Variants in LPP observed in about 807,000 individuals in gnomAD.
LPP encodes LIM domain containing preferred translocation partner in lipoma, also known as lipoma-preferred partner.
Under a neutral mutation model 60.4 loss-of-function variants are expected in LPP, and 38 were observed. That is an observed-to-expected ratio of 0.63 (90% CI 0.49 to 0.83). The LOEUF is 0.83. Ranked by LOEUF, LPP falls within the 40% of genes least tolerant of loss-of-function variation. LPP has a pLI of 0.00. For synonymous variants in LPP, 328 were observed against 290.8 expected (o/e 1.13, Z -1.30); for missense variants, 902 against 783.6 (o/e 1.15, Z -1.80).
At chr3:188,371,209 T>C (rs1772966832) in intron 3 of LPP, among the ~76,000 whole-genome samples, 1 of 152,150 alleles carries the variant, frequency 6.6e-6, no homozygotes. Flanking sequence ...CATTAACCTA[T>C]CATGAATAGC....
chr3:188,851,392 T>G (rs1762644343), intron 9 of LPP, among the ~76,000 whole-genome samples: 1 of 152,232 alleles, frequency 6.6e-6, no homozygotes, highest in Non-Finnish European at 1.5e-5. Flanking sequence ...GAAAAGGAAT[T>G]TTATGCAAAT....
At chr3:188,689,468 A>C (rs1292814937) in intron 7 of LPP, among the ~76,000 whole-genome samples, 1 of 152,236 alleles carries the variant, frequency 6.6e-6, no homozygotes, top group Non-Finnish European at 1.5e-5. Flanking sequence ...TCCTTCTCAC[A>C]GTGGCTTAGA....
intron 7 of LPP, among the ~76,000 whole-genome samples, chr3:188,687,775 C>CTTTTTTTTTTTTTTTTTTTTTTTTT (rs61574227): frequency 1.6e-5 from 2 of 127,124 alleles, no homozygotes; most frequent in Admixed American, 8.4e-5. Context: ...GTCTTATACT[C>CTTTTTTTTTTTTTTTTTTTTTTTTT]TTTTTTTTTT....
chr3:188,206,208 T>A (rs1049234012), intron 1 of LPP, among the ~76,000 whole-genome samples: 19 of 152,136 alleles, frequency 1.2e-4, no homozygotes, highest in Admixed American at 4.6e-4. Context: ...AAAGGTTTAA[T>A]CTGTCCAGAT....
chr3:188,408,757 T>G lies in LPP; in HGVS notation c.193+2444T>G, dbSNP rs182360601. ...TTCTTATGTAACCCTACAAAATGTT[T>G]TTTTTTTTTTCTTATAAAGAAATGG... is the stretch of plus-strand genomic sequence containing the variant. On this transcript the variant is annotated intron_variant, in intron 4 of 11. Transcript: ENST00000617246. 7.9e-5 allele frequency among the ~76,000 whole-genome samples: 12 copies of G among 152,068 alleles called. No individual in the cohort carries two copies. In the East Asian group the frequency reaches 1.2e-3, roughly 15 times the overall value.
chr3:188,806,061 G>A (rs938756870), intron 9 of LPP, among the ~76,000 whole-genome samples: 8 of 151,818 alleles, frequency 5.3e-5, no homozygotes, highest in Non-Finnish European at 1.2e-4. Context: ...ATTATTAGGT[G>A]AAGTGTTCTA....
intron 9 of LPP, among the ~76,000 whole-genome samples, chr3:188,787,586 G>A (rs557730088): frequency 4.3e-4 from 66 of 152,206 alleles, no homozygotes; most frequent in African/African-American, 1.5e-3. Context: ...AGACTCTTCA[G>A]TCCTTATCAT....
intron 7 of LPP, among the ~76,000 whole-genome samples, chr3:188,687,791 T>TTTTTTTTTG: frequency 6.7e-6 from 1 of 148,714 alleles, no homozygotes; most frequent in African/African-American, 2.6e-5. Context: ...TTTTTTTTTT[T>TTTTTTTTTG]TGAGATGAAG....
intron 4 of LPP, among the ~76,000 whole-genome samples, chr3:188,482,052 G>A (rs1213879994): frequency 6.6e-6 from 1 of 152,180 alleles, no homozygotes; most frequent in African/African-American, 2.4e-5. Flanking sequence ...GATAGTGAGT[G>A]TGTTCTCACA....
At chr3:188,577,247 G>A (rs1176184306) in intron 6 of LPP, among the ~76,000 whole-genome samples, 1 of 152,074 alleles carries the variant, frequency 6.6e-6, no homozygotes. Context: ...TCCTAATTCT[G>A]TTATTTCCCT....
chr3:188,375,205 G>C (rs6792815), intron 3 of LPP, among the ~76,000 whole-genome samples: 1 of 152,124 alleles, frequency 6.6e-6, no homozygotes, highest in African/African-American at 2.4e-5. Flanking sequence ...TTGGTATCAG[G>C]ATGATGCTGG....
At chr3:188,772,896 C>T (rs1736538233) in intron 9 of LPP, among the ~76,000 whole-genome samples, 1 of 152,088 alleles carries the variant, frequency 6.6e-6, no homozygotes, top group African/African-American at 2.4e-5. Context: ...CCCCTTCGTG[C>T]ACCTAGGACC....
At chr3:188,630,419 C>T (rs547593377) in intron 7 of LPP, among the ~76,000 whole-genome samples, 19 of 152,196 alleles carry the variant, frequency 1.2e-4, no homozygotes, top group Admixed American at 3.3e-4. Context: ...AATGAGATTC[C>T]TTCTGACACC....
intron 9 of LPP, among the ~76,000 whole-genome samples, chr3:188,769,191 T>C: frequency 6.6e-6 from 1 of 152,334 alleles, no homozygotes. Context: ...AATTAACTCA[T>C]GAGCAAAAAG....
At chr3:188,207,621 CTTTTTTT>C (rs77534309) in intron 1 of LPP, among the ~76,000 whole-genome samples, 1 of 131,312 alleles carries the variant, frequency 7.6e-6, no homozygotes, top group Non-Finnish European at 1.6e-5. Context: ...TCTTTTTCTT[CTTTTTTT>C]TTTTTTTTTT....
intron 6 of LPP, among the ~76,000 whole-genome samples, chr3:188,542,589 T>C (rs1825509109): frequency 6.6e-6 from 1 of 152,274 alleles, no homozygotes; most frequent in South Asian, 2.1e-4. Flanking sequence ...TTTGTATATG[T>C]GAGATGTGGT....
chr3:188,863,705 C>T (rs74549072), intron 9 of LPP, among the ~76,000 whole-genome samples: 1,637 of 152,238 alleles, frequency 0.011, 14 homozygotes, highest in Non-Finnish European at 0.017. Flanking sequence ...TTCCAATTTG[C>T]GGGCATTTTG....
At chr3:188,857,720 T>C (rs918633010) in intron 9 of LPP, among the ~76,000 whole-genome samples, 1 of 152,238 alleles carries the variant, frequency 6.6e-6, no homozygotes, top group African/African-American at 2.4e-5. Flanking sequence ...AAGCCCATTT[T>C]ATATTATGAC....
chr3:188,700,777 G>A (rs1864244927), intron 7 of LPP, among the ~76,000 whole-genome samples: 1 of 152,082 alleles, frequency 6.6e-6, no homozygotes, highest in South Asian at 2.1e-4. Context: ...TCATAATGAG[G>A]TTTCCACTTA....
Sources: allele counts gnomAD v4.1 joint callset (sites outside exome capture counted in the v4.1 genomes callset), GRCh38; gene constraint gnomAD v4.1.1; transcripts MANE v1.5; gene names NCBI Gene and HGNC (gene_info 2026-07-23, HGNC 2026-07-21).